LPCAT2: variants seen among roughly 807,000 people sequenced by gnomAD.
LPCAT2 encodes the protein lysophosphatidylcholine acyltransferase 2.
In LPCAT2, 58 loss-of-function variants were observed where a neutral mutation model predicts 64.7. The observed-to-expected ratio is 0.90, with a 90% confidence interval of 0.73 to 1.12. LPCAT2 has a LOEUF of 1.12. Among genes scored for constraint, LPCAT2 ranks in the 50% most tolerant of loss-of-function variants. LPCAT2 has a pLI of 0.00. For missense variants in LPCAT2, 579 were observed against 669.8 expected, an observed-to-expected ratio of 0.86 and a Z score of 1.50; for synonymous variants, 252 against 245.3, an observed-to-expected ratio of 1.03 and a Z score of -0.26.
intron 11 of LPCAT2, among the ~76,000 whole-genome samples, chr16:55,556,362 G>GTT (rs1382471638): frequency 2.0e-5 from 3 of 152,168 alleles, no homozygotes; most frequent in Non-Finnish European, 4.4e-5. Flanking sequence ...AAAGAACGAA[G>GTT]TTTATAGCAT....
At chr16:55,579,569 A>G (rs1167103843) in intron 13 of LPCAT2, among the ~76,000 whole-genome samples, 1 of 152,200 alleles carries the variant, frequency 6.6e-6, no homozygotes, top group African/African-American at 2.4e-5. Context: ...CAATTTAGCT[A>G]AAGAACATCA....
chr16:55,570,024 T>C (rs1386659109), intron 11 of LPCAT2, among the ~76,000 whole-genome samples: 3 of 152,234 alleles, frequency 2.0e-5, no homozygotes, highest in Non-Finnish European at 2.9e-5. Flanking sequence ...TGACATTAAG[T>C]AATTTAATCA....
At chr16:55,547,147 C>CA (rs1263129194) in intron 9 of LPCAT2, among the ~76,000 whole-genome samples, 1 of 142,626 alleles carries the variant, frequency 7.0e-6, no homozygotes, top group Non-Finnish European at 1.5e-5. Flanking sequence ...AACTCCGTCT[C>CA]AAAAAAGAAA....
intron 1 of LPCAT2, among the ~76,000 whole-genome samples, chr16:55,518,651 C>T (rs796411182): frequency 6.1e-4 from 93 of 152,282 alleles, no homozygotes; most frequent in African/African-American, 2.1e-3. Flanking sequence ...TGATTTTCCA[C>T]AGGATTGCCA....
rs1195143019 is a variant in LPCAT2 at position 55,584,642 on chromosome 16, C to T, written c.*1544C>T. Reference sequence around the variant, plus strand: ...TTCTGAATGTATTGGTGATTCACCCCCAAGCTAATTTTTTAAAGTCATTTT... The same window carrying T: ...TTCTGAATGTATTGGTGATTCACCCTCAAGCTAATTTTTTAAAGTCATTTT... On this transcript the variant is annotated 3_prime_UTR_variant, in exon 14 of 14. Transcript: ENST00000262134. The T allele has an allele frequency of 1.3e-5, 2 of 152,038 alleles. No individual in the cohort carries two copies. Among genetic ancestry groups the T allele is most frequent in the Non-Finnish European group, 2.9e-5 (2 of 67,988 alleles). 9.4% of individuals were successfully genotyped at this position (152,038 alleles called of 1,614,324 possible).
intron 8 of LPCAT2, among the ~76,000 whole-genome samples, chr16:55,544,299 A>G (rs1268914164): frequency 6.6e-6 from 1 of 152,212 alleles, no homozygotes; most frequent in African/African-American, 2.4e-5. Context: ...GGAAGTGGTA[A>G]GATTTACCTC....
intron 12 of LPCAT2, among the ~76,000 whole-genome samples, chr16:55,577,077 G>A (rs1232025792): frequency 1.3e-5 from 2 of 152,264 alleles, no homozygotes; most frequent in East Asian, 3.9e-4. Flanking sequence ...TACTGTTGAA[G>A]TCCAAGGCGC....
chr16:55,557,062 G>T (rs1293722952), intron 11 of LPCAT2: 3 of 152,132 alleles, frequency 2.0e-5, no homozygotes, highest in African/African-American at 4.8e-5. Flanking sequence ...GATGTTGTTT[G>T]TTTGTTTGTT....
chr16:55,513,278 T>C (rs143932425), intron 1 of LPCAT2, among the ~76,000 whole-genome samples: 2 of 152,064 alleles, frequency 1.3e-5, no homozygotes, highest in East Asian at 3.9e-4. Context: ...ATAGAAAATG[T>C]AAAAGAGAAC....
At chr16:55,565,108 C>A (rs1454947632) in intron 11 of LPCAT2, among the ~76,000 whole-genome samples, 1 of 151,950 alleles carries the variant, frequency 6.6e-6, no homozygotes, top group Non-Finnish European at 1.5e-5. Flanking sequence ...TGCTCAACAT[C>A]ATTAATCATT....
intron 8 of LPCAT2, chr16:55,541,745 TTTATA>T (rs1448430256): frequency 8.1e-6 from 5 of 614,088 alleles, no homozygotes; most frequent in Non-Finnish European, 1.2e-5. Flanking sequence ...TGACAGAAAA[TTTATA>T]GAGTTTTGAG....
At position 55,528,255 on chromosome 16, in the gene LPCAT2, C is replaced by T. The variant is rs182839972; in HGVS notation, c.312-122C>T. The T allele has an allele frequency of 1.4e-4, 101 of 705,282 alleles. No individual in the cohort carries two copies. In the African/African-American group the frequency reaches 1.7e-3, roughly 12 times the overall value. The allele number at this position is 705,282 out of a possible 1,614,324, so 43.7% of individuals were successfully genotyped here. ...TGTAAGTGTTAGCTGTTATTCTCCTCAGCTCATATTTTCATATGAAATACT... is the reference window on the plus strand; with the variant it reads ...TGTAAGTGTTAGCTGTTATTCTCCTTAGCTCATATTTTCATATGAAATACT... On this transcript the variant is annotated intron_variant, in intron 2 of 13. Transcript: ENST00000262134.
intron 11 of LPCAT2, among the ~76,000 whole-genome samples, chr16:55,564,835 A>G (rs1313588678): frequency 4.6e-5 from 7 of 152,060 alleles, no homozygotes; most frequent in Non-Finnish European, 8.8e-5. Context: ...AGAAAAATAG[A>G]TAAATATGAC....
chr16:55,515,291 A>C (rs1354646529), intron 1 of LPCAT2, among the ~76,000 whole-genome samples: 1 of 152,186 alleles, frequency 6.6e-6, no homozygotes, highest in Non-Finnish European at 1.5e-5. Context: ...TTAATGACTG[A>C]TTGCTCATCA....
At chr16:55,538,743 C>T (rs1468908533) in intron 8 of LPCAT2, 27 of 148,214 alleles carry the variant, frequency 1.8e-4, no homozygotes, top group African/African-American at 6.4e-4. Flanking sequence ...TTAGAGGTTC[C>T]TGGGGAACAA....
At chr16:55,578,994 T>C (rs1963859488) in intron 12 of LPCAT2, 115 bp from the exon 13 acceptor site, 1 of 926,084 alleles carries the variant, frequency 1.1e-6, no homozygotes, top group Non-Finnish European at 1.7e-6. Flanking sequence ...TTAATATACA[T>C]ATTTCTAGCC....
intron 13 of LPCAT2, 35 bp downstream of exon 13, chr16:55,579,279 CAAG>C (rs761590593): frequency 4.4e-6 from 7 of 1,602,800 alleles, no homozygotes; most frequent in Non-Finnish European, 6.0e-6. Context: ...ACTTAGTTTA[CAAG>C]GAGGACATCC....
intron 1 of LPCAT2, among the ~76,000 whole-genome samples, chr16:55,521,913 CTG>C (rs149721985): frequency 0.054 from 8,175 of 151,758 alleles, 256 homozygotes; most frequent in Middle Eastern, 0.14. Flanking sequence ...AATATTGAAT[CTG>C]TTTCCTCAAA....
rs891843881 is a variant in LPCAT2, at chr16:55,547,582, G to A, written c.936-1695G>A. 1.3e-5 allele frequency among the ~76,000 whole-genome samples: 2 copies of A among 152,134 alleles called. 1 individual carries two copies. Among genetic ancestry groups the A allele is most frequent in the African/African-American group, 4.8e-5 (2 of 41,440 alleles). ...CCCAAAGTCACACTAGGTAGTGACTGTCTGGGCTAGAACTCAAATCCACAT... is the reference window on the plus strand; with the variant it reads ...CCCAAAGTCACACTAGGTAGTGACTATCTGGGCTAGAACTCAAATCCACAT... On this transcript the variant is annotated intron_variant, in intron 9 of 13. Transcript: ENST00000262134.
Sources: gnomAD v4.1 joint callset for allele counts (sites outside exome capture counted in the v4.1 genomes callset) on GRCh38, gnomAD v4.1.1 for gene constraint, MANE v1.5 for transcripts, NCBI Gene and HGNC (gene_info 2026-07-23, HGNC 2026-07-21) for gene names.